DNAH10: variants seen among roughly 807,000 people sequenced by gnomAD.
DNAH10 encodes the protein dynein axonemal heavy chain 10.
A neutral mutation model predicts 506.6 loss-of-function variants in DNAH10; 348 were observed. The ratio of observed to expected loss-of-function variants is 0.69; its 90% confidence interval spans 0.63 to 0.75. DNAH10 has a LOEUF of 0.75. Among genes scored for constraint, DNAH10 ranks in the 30% least tolerant of loss-of-function variants. DNAH10 has a pLI of 0.00. For synonymous variants in DNAH10, 2,059 were observed against 2,198.6 expected, an observed-to-expected ratio of 0.94 and a Z score of 1.78; for missense variants, 5,179 against 5,787.1, an observed-to-expected ratio of 0.89 and a Z score of 3.41.
intron 24 of DNAH10, among the ~76,000 whole-genome samples, chr12:123,824,353 A>T (rs1394882079): frequency 6.6e-6 from 1 of 152,148 alleles, no homozygotes; most frequent in East Asian, 1.9e-4. Context: ...TGTCTGCTGG[A>T]CGTTCCTGTG....
At position 123,916,348 on chromosome 12, in the gene DNAH10, T is replaced by G; in HGVS notation, c.10723-109T>G. ...TCTCTTCTTTTCACCTCTGGCCCCCTCCAAGTTCCTGGCCCATCCACTTCC... is the reference window on the plus strand; with the variant it reads ...TCTCTTCTTTTCACCTCTGGCCCCCGCCAAGTTCCTGGCCCATCCACTTCC... On this transcript the variant is annotated intron_variant, in intron 62 of 78. Coordinates refer to ENST00000673944, the MANE Select transcript of DNAH10 (RefSeq NM_001372106.1). The surrounding 1 kb of genome is among the most constrained non-coding windows in gnomAD (Gnocchi z 4.6). 2.1e-6 allele frequency: 3 copies of G among 1,420,576 alleles called. No homozygotes were observed. Among genetic ancestry groups the G allele is most frequent in the Non-Finnish European group, 2.9e-6 (3 of 1,050,944 alleles). The allele number at this position is 1,420,576 out of a possible 1,614,324, so 88.0% of individuals were successfully genotyped here.
At chr12:123,835,338 G>A (rs1961020544) in intron 27 of DNAH10, 68 bp from the exon 28 acceptor site, 3 of 1,563,318 alleles carry the variant, frequency 1.9e-6, no homozygotes, top group East Asian at 2.3e-5. Flanking sequence ...GTCAGGATGG[G>A]GCTTTGCCAT....
intron 43 of DNAH10, 105 bp from the exon 44 acceptor site, chr12:123,870,261 C>T (rs1229406963): frequency 2.1e-6 from 3 of 1,456,428 alleles, no homozygotes; most frequent in Non-Finnish European, 1.8e-6. Context: ...TCACTATGGC[C>T]TCCGTGCAGT....
At chr12:123,810,956 G>A (rs1958911157) in intron 19 of DNAH10, among the ~76,000 whole-genome samples, 1 of 152,114 alleles carries the variant, frequency 6.6e-6, no homozygotes, top group Non-Finnish European at 1.5e-5. Flanking sequence ...GGCTCTTGGT[G>A]AAGCCTGTAT....
At position 123,898,685 on chromosome 12, in the gene DNAH10, A is replaced by G; in HGVS notation, c.9511A>G (p.Lys3171Glu). 1.3e-6 allele frequency: 2 copies of G among 1,596,798 alleles called. No homozygotes were observed. The highest frequency in any genetic ancestry group is 1.7e-6 in the Non-Finnish European group (2 of 1,172,006). Residue 3171 changes from lysine (K) to glutamate (E), a missense_variant, in exon 56 of 79, where the codon AAG becomes GAG. Physicochemically the swap from Lys to Glu is moderately conservative, Grantham distance 56. Around this residue, in one of 3 missense-constraint regions of DNAH10, gnomAD observed 4,844 missense variants for 5,430.5 expected, o/e 0.89. Transcript: ENST00000673944. ...QCKRLDGGLD[K>E]LKEATIQLDE... Reference sequence around the variant, plus strand: ...CAAGCGTCTGGATGGGGGACTGGACAAGCTGAAGGAGGCCACCATCCAGCT... The same window carrying G: ...CAAGCGTCTGGATGGGGGACTGGACGAGCTGAAGGAGGCCACCATCCAGCT...
chr12:123,861,347 T>G (rs1054236959), intron 39 of DNAH10, among the ~76,000 whole-genome samples, 177 bp downstream of exon 39: 2 of 152,238 alleles, frequency 1.3e-5, no homozygotes, highest in Middle Eastern at 3.2e-3. Context: ...GCTTTTTATG[T>G]GTGACCTCAG....
chr12:123,790,069 A>G lies in DNAH10; in HGVS notation c.1763A>G (p.Lys588Arg). ...ENLTFDPFSI[K>R]SSQFWKYVMD... ...CTGACCTTTGACCCCTTCAGCATCA[A>G]GTCCTCCCAGTTCTGGAAATATGTG... The change falls in exon 11 of 79, where the codon AAG becomes AGG. Residue 588 changes from lysine (K) to arginine (R), a missense_variant. Around this residue, in one of 3 missense-constraint regions of DNAH10, gnomAD observed 4,844 missense variants for 5,430.5 expected, o/e 0.89. Transcript: ENST00000673944. 1 of 1,614,152 alleles carries G rather than the reference A, an allele frequency of 6.2e-7. No individual in the cohort carries two copies. The highest frequency in any genetic ancestry group is 8.5e-7 in the Non-Finnish European group (1 of 1,180,020).
In DNAH10 at chr12:123,846,584, G is replaced by A. The variant is rs1950959207; in HGVS notation, c.5814+430G>A. Among the ~76,000 whole-genome samples the A allele has an allele frequency of 6.6e-6, 1 of 152,158 alleles. No individual in the cohort carries two copies. The highest frequency in any genetic ancestry group is 1.5e-5 in the Non-Finnish European group (1 of 68,036). Reference sequence around the variant, plus strand: ...ACTTGTTTGTTGTACAGGAAATGAAGATAACACTTCCATCCAGGCAGAGCT... The same window carrying A: ...ACTTGTTTGTTGTACAGGAAATGAAAATAACACTTCCATCCAGGCAGAGCT... On this transcript the variant is annotated intron_variant, in intron 32 of 78. Transcript: ENST00000673944. This position sits in a 1 kb window ranked among gnomAD's most constrained non-coding sequence, Gnocchi z 4.5.
Position 123,772,898 on chromosome 12 carries a change from A to G in DNAH10, c.461A>G (p.Glu154Gly). 1 of 1,613,368 alleles carries G rather than the reference A, an allele frequency of 6.2e-7. No individual in the cohort carries two copies. Among genetic ancestry groups the G allele is most frequent in the Non-Finnish European group, 8.5e-7 (1 of 1,179,660 alleles). ...ATGCTCTGTACCCCTCTTCCCGAGG[A>G]GTTCCTGGACCAAAACGTGGTGTTT... ...LHMLCTPLPE[E>G]FLDQNVVFFL... The change falls in exon 4 of 79, where the codon GAG (glutamate) becomes GGG (glycine). Residue 154 changes from glutamate to glycine, a missense_variant. This residue lies in a region of DNAH10 where 326 missense variants were observed against 330.8 expected (regional missense o/e 0.99). Coordinates refer to ENST00000673944, the MANE Select transcript of DNAH10 (RefSeq NM_001372106.1).
At chr12:123,875,936 A>G (rs1206787686) in intron 47 of DNAH10, among the ~76,000 whole-genome samples, 1 of 152,176 alleles carries the variant, frequency 6.6e-6, no homozygotes, top group Non-Finnish European at 1.5e-5. Context: ...GGAGGATGAA[A>G]GGAGAGAAAT....
intron 29 of DNAH10, 31 bp downstream of exon 29, chr12:123,838,720 G>C (rs201054886): frequency 6.3e-7 from 1 of 1,596,170 alleles, no homozygotes; most frequent in Non-Finnish European, 8.6e-7. Context: ...GGGGCTCCCC[G>C]TGTAAGCCTT....
At chr12:123,894,555 G>A (rs1041803263) in intron 53 of DNAH10, 88 bp from the exon 54 acceptor site, 5 of 1,244,820 alleles carry the variant, frequency 4.0e-6, no homozygotes, top group Non-Finnish European at 5.8e-6. Context: ...ACCACACCCG[G>A]CCCTGATTTT....
Position 123,909,592 on chromosome 12 carries a change from C to G in DNAH10, c.9997+150C>G. 9.2e-7 allele frequency: 1 copy of G among 1,085,824 alleles called. No homozygotes were observed. The highest frequency in any genetic ancestry group is 2.7e-5 in the East Asian group (1 of 36,904). The allele number at this position is 1,085,824 out of a possible 1,614,324, so 67.3% of individuals were successfully genotyped here. A position where few individuals can be genotyped will look rare whatever the true frequency, so the allele number is the denominator to read the frequency against. ...TCGGATGGAACAGGCAACTGATGGT[C>G]ACCAGAGGAAAACAGCAGCCCCATG... is the stretch of plus-strand genomic sequence containing the variant. On this transcript the variant is annotated intron_variant, in intron 58 of 78. Coordinates refer to ENST00000673944, the MANE Select transcript of DNAH10 (RefSeq NM_001372106.1). This position sits in a 1 kb window ranked among gnomAD's most constrained non-coding sequence, Gnocchi z 5.4.
At chr12:123,812,287 T>TA (rs1187559502) in intron 19 of DNAH10, among the ~76,000 whole-genome samples, 1 of 151,928 alleles carries the variant, frequency 6.6e-6, no homozygotes, top group Non-Finnish European at 1.5e-5. Flanking sequence ...CCATCTCTAC[T>TA]AAAAATACCA....
At chr12:123,857,458 A>G (rs1192147564) in intron 37 of DNAH10, among the ~76,000 whole-genome samples, 1 of 152,256 alleles carries the variant, frequency 6.6e-6, no homozygotes, top group Non-Finnish European at 1.5e-5. Context: ...GGCCGGGCAC[A>G]GTGGCTTACG....
intron 25 of DNAH10, among the ~76,000 whole-genome samples, chr12:123,828,855 C>T (rs1201429700): frequency 6.6e-6 from 1 of 152,130 alleles, no homozygotes; most frequent in Non-Finnish European, 1.5e-5. Flanking sequence ...CACAGAAGCA[C>T]AAAGAGGAGA....
At position 123,917,319 on chromosome 12, in the gene DNAH10, A is replaced by C. The variant is rs1954525915; in HGVS notation, c.11003-265A>C. Reference sequence around the variant, plus strand: ...ACTGCGCCCAGTCTGGGTATACTTTAAACTATGGCACCCCAGTCCGTGGAA... The same window carrying C: ...ACTGCGCCCAGTCTGGGTATACTTTCAACTATGGCACCCCAGTCCGTGGAA... On this transcript the variant is annotated intron_variant, in intron 63 of 78. Coordinates refer to ENST00000673944, the MANE Select transcript of DNAH10 (RefSeq NM_001372106.1). The surrounding 1 kb of genome is among the most constrained non-coding windows in gnomAD (Gnocchi z 5.6). Among the ~76,000 whole-genome samples the C allele has an allele frequency of 6.6e-6, 1 of 152,062 alleles. No individual in the cohort carries two copies. Among genetic ancestry groups the C allele is most frequent in the Admixed American group, 6.5e-5 (1 of 15,274 alleles).
intron 77 of DNAH10, 142 bp downstream of exon 77, chr12:123,933,653 T>G: frequency 1.0e-6 from 1 of 977,588 alleles, no homozygotes; most frequent in Non-Finnish European, 1.5e-6. Flanking sequence ...AAATATTTCC[T>G]GTGTCTCTGC....
chr12:123,763,173 C>T (rs1206060024), intron 1 of DNAH10, among the ~76,000 whole-genome samples: 1 of 152,212 alleles, frequency 6.6e-6, no homozygotes, highest in Non-Finnish European at 1.5e-5. Context: ...AAATTAGCAT[C>T]GCAAATACAA....
Sources: allele counts gnomAD v4.1 joint callset (sites outside exome capture counted in the v4.1 genomes callset), GRCh38; gene constraint gnomAD v4.1.1; regional missense constraint gnomAD v4.1.1; non-coding constraint Gnocchi (gnomAD v3.1); transcripts MANE v1.5; gene names NCBI Gene and HGNC (gene_info 2026-07-23, HGNC 2026-07-21).